The following ELOVL7 variants were observed in gnomAD, a reference collection of about 807,000 sequenced individuals.
ELOVL7 encodes ELOVL fatty acid elongase 7, also known as very long chain fatty acid elongase 7.
In ELOVL7, 27 loss-of-function variants were observed where a neutral mutation model predicts 35.7. That is an observed-to-expected ratio of 0.76 (90% CI 0.56 to 1.04). The LOEUF (loss-of-function observed/expected upper bound fraction) is 1.04, where lower values mean the gene tolerates loss of function less well. Among genes scored for constraint, ELOVL7 ranks in the 50% least tolerant of loss-of-function variants. ELOVL7 has a pLI of 0.00. For synonymous variants in ELOVL7, 113 were observed against 114.6 expected (o/e 0.99, Z 0.09); for missense variants, 327 against 340.8 (o/e 0.96, Z 0.32).
intron 2 of ELOVL7, among the ~76,000 whole-genome samples, chr5:60,790,356 T>A (rs1743861304): frequency 6.6e-6 from 1 of 152,216 alleles, no homozygotes; most frequent in East Asian, 1.9e-4. Context: ...CTCATATAGA[T>A]ATTTTACCTA....
intron 1 of ELOVL7, among the ~76,000 whole-genome samples, chr5:60,812,469 G>A (rs1745289856): frequency 6.6e-6 from 1 of 152,042 alleles, no homozygotes; most frequent in Admixed American, 6.5e-5. Flanking sequence ...AGGCTGGAGA[G>A]GACAAGCTGC....
intron 3 of ELOVL7, among the ~76,000 whole-genome samples, chr5:60,777,519 C>T (rs1399806404): frequency 1.3e-5 from 2 of 151,996 alleles, no homozygotes; most frequent in South Asian, 2.1e-4. Context: ...GCCTTTAAAA[C>T]ATTCATATGA....
rs543006605 is a variant in ELOVL7, at chr5:60,828,883, A to T, written c.-86+15277T>A. ...TAGTCATAACAAAGTGGTGGTTTTT[A>T]AAAATGTTCAGATTGATTGGCTATT... On this transcript the variant is annotated intron_variant, in intron 1 of 8. Transcript: ENST00000508821. Among the ~76,000 whole-genome samples, 193 of 152,310 alleles carry T rather than the reference A, an allele frequency of 1.3e-3. 1 individual carries two copies. Among genetic ancestry groups the T allele is most frequent in the African/African-American group, 4.5e-3 (188 of 41,580 alleles).
chr5:60,818,238 A>C (rs1745646120), intron 1 of ELOVL7, among the ~76,000 whole-genome samples: 1 of 148,802 alleles, frequency 6.7e-6, no homozygotes, highest in Non-Finnish European at 1.5e-5. Context: ...GAATTGCTTG[A>C]ACCCGGGAGG....
At chr5:60,762,650 T>C (rs953475044) in intron 7 of ELOVL7, among the ~76,000 whole-genome samples, 3 of 152,164 alleles carry the variant, frequency 2.0e-5, no homozygotes, top group African/African-American at 4.8e-5. Flanking sequence ...CCTGGCCTCA[T>C]GGGAGAAATC....
chr5:60,755,990 C>T (rs1400251197), intron 8 of ELOVL7, among the ~76,000 whole-genome samples: 3 of 152,260 alleles, frequency 2.0e-5, no homozygotes, highest in Non-Finnish European at 2.9e-5. Flanking sequence ...CATCAACTTT[C>T]CTTGCATTAT....
intron 1 of ELOVL7, among the ~76,000 whole-genome samples, chr5:60,837,586 G>C (rs1211211570): frequency 6.6e-6 from 1 of 152,286 alleles, no homozygotes; most frequent in East Asian, 1.9e-4. Context: ...CAGAGGTACA[G>C]ATGATGCCCA....
At chr5:60,761,018 T>A (rs1489267760) in intron 7 of ELOVL7, among the ~76,000 whole-genome samples, 1 of 145,746 alleles carries the variant, frequency 6.9e-6, no homozygotes, top group African/African-American at 2.8e-5. Context: ...TTATGATTAT[T>A]TTCTGACAAG....
At chr5:60,807,355 T>C in intron 1 of ELOVL7, among the ~76,000 whole-genome samples, 1 of 152,006 alleles carries the variant, frequency 6.6e-6, no homozygotes, top group Non-Finnish European at 1.5e-5. Context: ...ACTTTCCATG[T>C]CCTTGGGCTA....
Position 60,757,607 on chromosome 5 carries a change from C to T in ELOVL7, c.538G>A (p.Val180Ile), listed in dbSNP as rs766584906. 6.2e-7 allele frequency: 1 copy of T among 1,611,298 alleles called. No individual in the cohort carries two copies. The highest frequency in any genetic ancestry group is 8.5e-7 in the Non-Finnish European group (1 of 1,177,924). ...TAGTAGGAATACATGACTACATGTA[C>T]AGCTGTATTTAGAAGGGCATGGAAT... ...GTFHALLNTAVHVVMYSYYGL... is the reference protein window; with the variant it reads ...GTFHALLNTAIHVVMYSYYGL... Residue 180 changes from valine to isoleucine, a missense_variant, in exon 8 of 9, where the codon GTA (valine) becomes ATA (isoleucine). Coordinates refer to ENST00000508821, the MANE Select transcript of ELOVL7 (RefSeq NM_024930.3).
chr5:60,800,395 C>T (rs890323586), intron 1 of ELOVL7, among the ~76,000 whole-genome samples: 6 of 152,106 alleles, frequency 3.9e-5, no homozygotes, highest in African/African-American at 1.2e-4. Context: ...ATAATCATTC[C>T]AATCGATGCA....
intron 1 of ELOVL7, among the ~76,000 whole-genome samples, chr5:60,800,951 A>G (rs1291839600): frequency 1.3e-5 from 2 of 152,188 alleles, no homozygotes; most frequent in Admixed American, 1.3e-4. Flanking sequence ...ATTTGGAGAC[A>G]GGGTCTCATT....
intron 4 of ELOVL7, among the ~76,000 whole-genome samples, chr5:60,770,285 C>G (rs1247966301): frequency 2.6e-5 from 4 of 152,122 alleles, no homozygotes; most frequent in African/African-American, 9.7e-5. Flanking sequence ...TATTTGGGTA[C>G]ATTACACTCA....
chr5:60,814,974 T>C (rs970556518), intron 1 of ELOVL7, among the ~76,000 whole-genome samples: 10 of 152,172 alleles, frequency 6.6e-5, no homozygotes, highest in Admixed American at 4.6e-4. Context: ...ATGAACTACA[T>C]TGCAGCTAAT....
chr5:60,780,742 T>C (rs1156613836), intron 3 of ELOVL7, among the ~76,000 whole-genome samples: 1 of 152,044 alleles, frequency 6.6e-6, no homozygotes, highest in Non-Finnish European at 1.5e-5. Context: ...TAAAAAACCA[T>C]CAGATCTTGT....
chr5:60,816,020 C>T (rs1323897587), intron 1 of ELOVL7, among the ~76,000 whole-genome samples: 11 of 152,082 alleles, frequency 7.2e-5, no homozygotes, highest in East Asian at 3.9e-4. Flanking sequence ...GACTGGATAT[C>T]GGAACAACTT....
chr5:60,813,053 CATT>C (rs991841975), intron 1 of ELOVL7, among the ~76,000 whole-genome samples: 13 of 152,176 alleles, frequency 8.5e-5, no homozygotes, highest in African/African-American at 3.1e-4. Flanking sequence ...TGCCAATAAA[CATT>C]ATAATTTGGA....
chr5:60,792,079 G>A (rs1743973330), intron 2 of ELOVL7, among the ~76,000 whole-genome samples: 2 of 152,024 alleles, frequency 1.3e-5, no homozygotes, highest in African/African-American at 2.4e-5. Flanking sequence ...CTGAGACGAA[G>A]GAAGGAGGAA....
chr5:60,795,599 C>A (rs778769889), intron 2 of ELOVL7, among the ~76,000 whole-genome samples: 4 of 152,200 alleles, frequency 2.6e-5, no homozygotes, highest in Non-Finnish European at 5.9e-5. Flanking sequence ...CTGGCTCAAG[C>A]TGAACTTTCG....
Sources: allele counts gnomAD v4.1 joint callset (sites outside exome capture counted in the v4.1 genomes callset), GRCh38; gene constraint gnomAD v4.1.1; transcripts MANE v1.5; gene names NCBI Gene and HGNC (gene_info 2026-07-23, HGNC 2026-07-21).